Variants in PCDH9 observed in about 807,000 individuals in gnomAD.
The protein encoded by PCDH9 is protocadherin-9.
In PCDH9, 24 loss-of-function variants were observed where a neutral mutation model predicts 70.6. The observed-to-expected ratio is 0.34, with a 90% CI of 0.25 to 0.48. PCDH9 has a LOEUF of 0.48. PCDH9 is among the 20% of genes least tolerant of loss of function. The probability of loss-of-function intolerance (pLI) is 0.99; values close to 1 mark genes in which losing one functional copy is unlikely to be tolerated. For synonymous variants in PCDH9, 562 were observed against 558.5 expected (o/e 1.01, Z -0.09); for missense variants, 1,281 against 1,503.6 (o/e 0.85, Z 2.45).
At chr13:67,224,952 T>C in intron 2 of PCDH9, 1 of 1,004,124 alleles carries the variant, frequency 1.0e-6, no homozygotes, top group Non-Finnish European at 1.2e-6. Context: ...TTAACCCCTT[T>C]AGCAACCATA....
At chr13:66,479,046 A>G (rs912459490) in intron 4 of PCDH9, among the ~76,000 whole-genome samples, 2 of 152,172 alleles carry the variant, frequency 1.3e-5, no homozygotes, top group Non-Finnish European at 2.9e-5. Flanking sequence ...AGTTAAACCA[A>G]TGGTCATTTA....
At chr13:66,723,504 T>C (rs1170341810) in intron 3 of PCDH9, among the ~76,000 whole-genome samples, 3 of 152,214 alleles carry the variant, frequency 2.0e-5, no homozygotes, top group Non-Finnish European at 4.4e-5. Flanking sequence ...GTTATTTCAG[T>C]ACTCTGTTTA....
chr13:66,749,860 C>T (rs2079430063), intron 3 of PCDH9, among the ~76,000 whole-genome samples: 1 of 152,088 alleles, frequency 6.6e-6, no homozygotes, highest in African/African-American at 2.4e-5. Flanking sequence ...ATCCCTTGCA[C>T]CCTAACTCCA....
At chr13:67,099,116 G>C (rs75826894) in intron 2 of PCDH9, among the ~76,000 whole-genome samples, 15,160 of 152,194 alleles carry the variant, frequency 0.1, 836 homozygotes, top group South Asian at 0.14. Context: ...AGTCACCAAA[G>C]AGTACAGTCA....
intron 4 of PCDH9, among the ~76,000 whole-genome samples, chr13:66,334,408 C>T (rs1955997700): frequency 6.6e-6 from 1 of 152,002 alleles, no homozygotes; most frequent in Non-Finnish European, 1.5e-5. Context: ...ATAAAGAAAA[C>T]ACCTCCATAA....
chr13:66,656,921 A>G (rs2077938535), intron 3 of PCDH9, among the ~76,000 whole-genome samples: 1 of 152,204 alleles, frequency 6.6e-6, no homozygotes, highest in African/African-American at 2.4e-5. Context: ...AGGAAATGAG[A>G]GCATCTGAAC....
At chr13:67,143,769 T>C (rs1264985245) in intron 2 of PCDH9, among the ~76,000 whole-genome samples, 1 of 152,120 alleles carries the variant, frequency 6.6e-6, no homozygotes, top group Non-Finnish European at 1.5e-5. Flanking sequence ...GGAGAGAAAG[T>C]CTGCATACAT....
intron 2 of PCDH9, chr13:67,220,361 C>T (rs2089697387): frequency 6.6e-6 from 1 of 151,446 alleles, no homozygotes; most frequent in African/African-American, 2.4e-5. Context: ...GAAAATGAAA[C>T]CTTAAGGTTC....
At chr13:66,881,215 TG>T (rs1256124274) in intron 3 of PCDH9, among the ~76,000 whole-genome samples, 3 of 152,206 alleles carry the variant, frequency 2.0e-5, no homozygotes. Flanking sequence ...TTTATATTAG[TG>T]TTAGTCCGTT....
intron 3 of PCDH9, among the ~76,000 whole-genome samples, chr13:66,684,221 G>A (rs186614093): frequency 2.4e-3 from 370 of 152,302 alleles, no homozygotes; most frequent in Non-Finnish European, 4.0e-3. Flanking sequence ...AGCCAATTAA[G>A]AGAACTGTAT....
intron 4 of PCDH9, among the ~76,000 whole-genome samples, chr13:66,487,207 C>T (rs943918252): frequency 1.3e-5 from 2 of 152,056 alleles, no homozygotes; most frequent in African/African-American, 4.8e-5. Context: ...TGAATCAAGC[C>T]GTACTTTGAA....
At chr13:67,154,603 TATAC>T (rs1206612862) in intron 2 of PCDH9, among the ~76,000 whole-genome samples, 84 of 84,794 alleles carry the variant, frequency 9.9e-4, no homozygotes, top group African/African-American at 3.4e-3. Context: ...AAAATATATA[TATAC>T]ACACACACAC....
chr13:67,108,835 C>T (rs574482242), intron 2 of PCDH9, among the ~76,000 whole-genome samples: 8 of 152,238 alleles, frequency 5.3e-5, no homozygotes, highest in Admixed American at 3.3e-4. Context: ...AGGGAATATG[C>T]AGTTTTCCAT....
intron 4 of PCDH9, among the ~76,000 whole-genome samples, chr13:66,332,597 A>T (rs1396524090): frequency 6.6e-6 from 1 of 152,014 alleles, no homozygotes; most frequent in African/African-American, 2.4e-5. Context: ...GAGAAGGTGA[A>T]AATGCTATGA....
At chr13:67,213,237 A>AAAAAAAAAAAAAC (rs2089512523) in intron 2 of PCDH9, 1 of 102,218 alleles carries the variant, frequency 9.8e-6, no homozygotes, top group African/African-American at 3.3e-5. Flanking sequence ...AAAAAAAAAA[A>AAAAAAAAAAAAAC]AGAAAAAAAA....
At chr13:66,626,418 T>G (rs566726267) in intron 4 of PCDH9, among the ~76,000 whole-genome samples, 1 of 152,276 alleles carries the variant, frequency 6.6e-6, no homozygotes, top group South Asian at 2.1e-4. Flanking sequence ...TTACCTTCCC[T>G]ATGGCATGAG....
intron 2 of PCDH9, among the ~76,000 whole-genome samples, chr13:67,142,782 T>C (rs968979284): frequency 1.9e-4 from 29 of 149,808 alleles, no homozygotes; most frequent in African/African-American, 6.9e-4. Flanking sequence ...GGGCGGACCA[T>C]GAGGTCAGGA....
intron 4 of PCDH9, among the ~76,000 whole-genome samples, chr13:66,569,175 T>G (rs9646058): frequency 1.3e-5 from 2 of 150,570 alleles, no homozygotes; most frequent in Non-Finnish European, 3.0e-5. Flanking sequence ...CTAATTTTTG[T>G]ATTTTATTTT....
chr13:66,643,237 T>C (rs986307080), intron 3 of PCDH9, among the ~76,000 whole-genome samples: 6 of 152,020 alleles, frequency 3.9e-5, no homozygotes, highest in Non-Finnish European at 8.8e-5. Context: ...AAATATAATA[T>C]GTAACTACCT....
Sources: gnomAD v4.1 joint callset for allele counts (sites outside exome capture counted in the v4.1 genomes callset) on GRCh38, gnomAD v4.1.1 for gene constraint, MANE v1.5 for transcripts, NCBI Gene and HGNC (gene_info 2026-07-23, HGNC 2026-07-21) for gene names.